ANKRD24: variants seen among roughly 807,000 people sequenced by gnomAD.
ANKRD24 encodes the protein ankyrin repeat domain-containing protein 24.
A neutral mutation model predicts 127.8 loss-of-function variants in ANKRD24; 109 were observed. The ratio of observed to expected loss-of-function variants is 0.85; its 90% CI spans 0.73 to 1.00. The LOEUF is 1.00. Among genes scored for constraint, ANKRD24 ranks in the 50% least tolerant of loss-of-function variants. The pLI, the probability that ANKRD24 is intolerant of heterozygous loss-of-function variation, is 0.00. For missense variants in ANKRD24, 1,648 were observed against 1,570.2 expected (o/e 1.05, Z -0.84); for synonymous variants, 743 against 671.1 (o/e 1.11, Z -1.66).
At chr19:4,220,156 A>G (rs1233053638) in intron 19 of ANKRD24, among the ~76,000 whole-genome samples, 20 of 152,034 alleles carry the variant, frequency 1.3e-4, no homozygotes, top group Admixed American at 1.3e-3. Context: ...TATTTTTAGT[A>G]GAGATGGGGT....
At chr19:4,219,471 A>T (rs1970325533) in intron 18 of ANKRD24, 120 bp from the exon 19 acceptor site, 2 of 1,205,976 alleles carry the variant, frequency 1.7e-6, no homozygotes, top group Non-Finnish European at 1.1e-6. Context: ...ACAGAGCAAG[A>T]CCCTGTCTTA....
intron 16 of ANKRD24, 100 bp downstream of exon 16, chr19:4,216,150 G>A (rs1970053697): frequency 9.1e-6 from 13 of 1,422,474 alleles, no homozygotes; most frequent in South Asian, 8.7e-5. Flanking sequence ...TGGGAGGGAG[G>A]TTTGTACTCA....
chr19:4,217,788 G>C lies in ANKRD24; in HGVS notation c.2628G>C (p.Arg876=). ...QQRTAAAELG[R]ARDAAEARVA... ...GCACGGCGGCCGCGGAACTGGGCCGGGCACGGGACGCCGCTGAGGCCCGAG... is the reference window on the plus strand; with the variant it reads ...GCACGGCGGCCGCGGAACTGGGCCGCGCACGGGACGCCGCTGAGGCCCGAG... The change falls in exon 18 of 22, where the codon CGG becomes CGC. Residue 876 remains arginine, a synonymous_variant. Coordinates refer to ENST00000318934, the MANE Select transcript of ANKRD24 (RefSeq NM_001393985.1). 1.5e-6 allele frequency: 2 copies of C among 1,330,792 alleles called. No individual in the cohort carries two copies. The highest frequency in any genetic ancestry group is 1.6e-5 in the African/African-American group (1 of 64,010). 82.4% of individuals were successfully genotyped at this position (1,330,792 alleles called of 1,614,324 possible).
In ANKRD24 at chr19:4,207,556, G is replaced by A. The variant is rs146188452; in HGVS notation, c.593G>A (p.Arg198His). Residue 198 changes from arginine (R) to histidine (H), a missense_variant, in exon 9 of 22, where the codon CGT becomes CAT. Coordinates refer to ENST00000318934, the MANE Select transcript of ANKRD24 (RefSeq NM_001393985.1). The part of the protein sequence containing the change: ...AAQMCHTDLC[R>H]LLLQQGAAAN... ...CAGATGTGTCACACAGACCTGTGCC[G>A]TCTCCTACTGCAGCAAGGGGCTGCC... 1.5e-4 allele frequency: 236 copies of A among 1,613,842 alleles called. 2 individuals are homozygous for A. The East Asian group carries it at 4.7e-3, about 32-fold the overall frequency.
chr19:4,223,402 T>TGTATATATATATATA (rs1491398712), intron 20 of ANKRD24, among the ~76,000 whole-genome samples: 2 of 40,502 alleles, frequency 4.9e-5, no homozygotes, highest in African/African-American at 2.4e-4. Context: ...TATATATATA[T>TGTATATATATATATA]TTTTTTTTTT....
chr19:4,214,722 C>T (rs1599453727), intron 15 of ANKRD24, among the ~76,000 whole-genome samples: 1 of 152,158 alleles, frequency 6.6e-6, no homozygotes, highest in Middle Eastern at 3.4e-3. Flanking sequence ...GGTGTGCTGG[C>T]GAGCTCCTGT....
chr19:4,186,277 C>A (rs771649628), intron 1 of ANKRD24, 113 bp from the exon 2 acceptor site: 37 of 1,493,652 alleles, frequency 2.5e-5, no homozygotes, highest in Non-Finnish European at 3.2e-5. Flanking sequence ...GCTCTAGGGG[C>A]CAGGACTGGT....
rs748031617 is a variant in ANKRD24, at chr19:4,216,822, C to T, written c.1662C>T (p.Thr554=). The change falls in exon 18 of 22, where the codon ACC becomes ACT. Residue 554 remains threonine (T), a synonymous_variant. Transcript: ENST00000318934. ...TAAATGGCTCAGTGGCTCCAGAAAC[C>T]AAAGTTAACGGAGCCGAGACCATAG... The part of the protein sequence containing the change: ...MELNGSVAPE[T]KVNGAETIDE... 1 of 1,607,700 alleles carries T rather than the reference C, an allele frequency of 6.2e-7. No individual in the cohort carries two copies. The highest frequency in any genetic ancestry group is 1.1e-5 in the South Asian group (1 of 89,952).
rs529566287 is a variant in ANKRD24 at position 4,216,070 on chromosome 19, C to G, written c.1270+20C>G. On this transcript the variant is annotated intron_variant, in intron 16 of 21. Transcript: ENST00000318934. ...TTCCAGGTGAGCCCCCACCTCCCCA[C>G]GCACTCCCAGCCGCCTTGTCCCCTG... is the stretch of plus-strand genomic sequence containing the variant. 1 of 1,577,954 alleles carries G rather than the reference C, an allele frequency of 6.3e-7. No homozygotes were observed. The highest frequency in any genetic ancestry group is 1.4e-5 in the African/African-American group (1 of 74,030).
At chr19:4,204,676 G>A (rs1025816871) in intron 7 of ANKRD24, among the ~76,000 whole-genome samples, 4 of 152,090 alleles carry the variant, frequency 2.6e-5, no homozygotes, top group East Asian at 1.9e-4. Flanking sequence ...CATGGCTTTC[G>A]CTGACGACTC....
chr19:4,210,297 G>A lies in ANKRD24; in HGVS notation c.984G>A (p.Arg328=), dbSNP rs1969642059. The change falls in exon 13 of 22, where the codon AGG becomes AGA. Residue 328 remains arginine (R), a synonymous_variant. Coordinates refer to ENST00000318934, the MANE Select transcript of ANKRD24 (RefSeq NM_001393985.1). ...GAGATGCCTATGAGGAGATCGTGAG[G>A]CTGCGGCAGGAGAGGGGCCGCCTCC... is the stretch of plus-strand genomic sequence containing the variant. ...DDRDAYEEIV[R]LRQERGRLLQ... The A allele has an allele frequency of 6.3e-7, 1 of 1,588,162 alleles. No individual in the cohort carries two copies. The highest frequency in any genetic ancestry group is 1.8e-5 in the Admixed American group (1 of 55,316).
rs1243279573 is a variant in ANKRD24, at chr19:4,198,289, A to G, written c.37-1394A>G. On this transcript the variant is annotated intron_variant, in intron 2 of 21. Transcript: ENST00000318934. The surrounding 1 kb of genome is among the most constrained non-coding windows in gnomAD (Gnocchi z 6.1). ...CCCCCTACCTGGGTCTTCCCATTCC[A>G]TCCCGTGGGGGAGGGGGCTGGCGAG... 2 of 365,282 alleles carry G rather than the reference A, an allele frequency of 5.5e-6. No homozygotes were observed. Among genetic ancestry groups the G allele is most frequent in the Non-Finnish European group, 9.7e-6 (2 of 205,170 alleles). The allele number at this position is 365,282 out of a possible 1,614,324, so 22.6% of individuals were successfully genotyped here.
intron 1 of ANKRD24, among the ~76,000 whole-genome samples, chr19:4,184,268 G>A (rs1005225089): frequency 1.3e-5 from 2 of 152,204 alleles, no homozygotes; most frequent in South Asian, 4.1e-4. Context: ...CCGGCAGTGG[G>A]CACTGTGGCC....
At position 4,219,843 on chromosome 19, in the gene ANKRD24, G is replaced by A. The variant is rs1970351885; in HGVS notation, c.3171+85G>A. ...CAATCTACGAAGGTCCTCACTGCAAGGGCCTTGGAAAATCAACCCATTTTC... is the reference window on the plus strand; with the variant it reads ...CAATCTACGAAGGTCCTCACTGCAAAGGCCTTGGAAAATCAACCCATTTTC... On this transcript the variant is annotated intron_variant, in intron 19 of 21. Coordinates refer to ENST00000318934, the MANE Select transcript of ANKRD24 (RefSeq NM_001393985.1). 3.9e-5 allele frequency: 55 copies of A among 1,406,638 alleles called. 2 individuals are homozygous for A. The South Asian group carries it at 8.7e-4, about 22-fold the overall frequency. The allele number at this position is 1,406,638 out of a possible 1,614,324, so 87.1% of individuals were successfully genotyped here.
At chr19:4,188,737 C>T (rs1599391299) in intron 2 of ANKRD24, among the ~76,000 whole-genome samples, 1 of 151,158 alleles carries the variant, frequency 6.6e-6, no homozygotes, top group Non-Finnish European at 1.5e-5. Context: ...TCCCTGGTGT[C>T]CTGGGTGACT....
chr19:4,198,232 C>T lies in ANKRD24; in HGVS notation c.37-1451C>T, dbSNP rs1332827747. ...GCGACAAGGTCAGGAGGGGCCGGGG[C>T]GGCGCCCCTTCCCTCAGCCCCCAGC... On this transcript the variant is annotated intron_variant, in intron 2 of 21. Coordinates refer to ENST00000318934, the MANE Select transcript of ANKRD24 (RefSeq NM_001393985.1). The surrounding 1 kb of genome is among the most constrained non-coding windows in gnomAD (Gnocchi z 6.1). The T allele has an allele frequency of 7.8e-6, 4 of 509,606 alleles. No homozygotes were observed. Among genetic ancestry groups the T allele is most frequent in the South Asian group, 2.7e-5 (1 of 37,240 alleles). The allele number at this position is 509,606 out of a possible 1,614,324, so 31.6% of individuals were successfully genotyped here. A position where few individuals can be genotyped will look rare whatever the true frequency, so the allele number is the denominator to read the frequency against.
chr19:4,214,505 AAC>A (rs541231217), intron 15 of ANKRD24, among the ~76,000 whole-genome samples: 4 of 152,062 alleles, frequency 2.6e-5, no homozygotes, highest in Non-Finnish European at 5.9e-5. Flanking sequence ...CATACACACA[AAC>A]ACAGAGATCC....
At position 4,208,750 on chromosome 19, in the gene ANKRD24, C is replaced by T. The variant is rs1312388378; in HGVS notation, c.833-14C>T. Reference sequence around the variant, plus strand: ...GGGAACAGAATGCCTGACCCTGCTTCCCTCTCTCCCCAGCCCTCACAGAGG... The same window carrying T: ...GGGAACAGAATGCCTGACCCTGCTTTCCTCTCTCCCCAGCCCTCACAGAGG... On this transcript the variant is annotated splice_polypyrimidine_tract_variant and intron_variant, in intron 10 of 21. Coordinates refer to ENST00000318934, the MANE Select transcript of ANKRD24 (RefSeq NM_001393985.1). 1.9e-6 allele frequency: 3 copies of T among 1,611,838 alleles called. No individual in the cohort carries two copies. Among genetic ancestry groups the T allele is most frequent in the Admixed American group, 3.3e-5 (2 of 59,796 alleles).
In ANKRD24 at chr19:4,217,896, C is replaced by G. The variant is rs1178460247; in HGVS notation, c.2736C>G (p.Ser912=). 2.0e-6 allele frequency: 3 copies of G among 1,476,140 alleles called. No homozygotes were observed. The highest frequency in any genetic ancestry group is 1.8e-6 in the Non-Finnish European group (2 of 1,121,170). 91.4% of individuals were successfully genotyped at this position (1,476,140 alleles called of 1,614,324 possible). A position where few individuals can be genotyped will look rare whatever the true frequency, so the allele number is the denominator to read the frequency against. The change falls in exon 18 of 22, where the codon TCC becomes TCG. Residue 912 remains serine, a synonymous_variant. Coordinates refer to ENST00000318934, the MANE Select transcript of ANKRD24 (RefSeq NM_001393985.1). ...LREASEALRQ[S]VVPASEHRRL... Reference sequence around the variant, plus strand: ...AGGCCTCCGAGGCCCTCCGCCAGTCCGTGGTGCCGGCCTCTGAGCACCGCC... The same window carrying G: ...AGGCCTCCGAGGCCCTCCGCCAGTCGGTGGTGCCGGCCTCTGAGCACCGCC...
Sources: gnomAD v4.1 joint callset for allele counts (sites outside exome capture counted in the v4.1 genomes callset) on GRCh38, gnomAD v4.1.1 for gene constraint, Gnocchi (gnomAD v3.1) non-coding constraint, MANE v1.5 for transcripts, NCBI Gene and HGNC (gene_info 2026-07-23, HGNC 2026-07-21) for gene names.